The following CDC42EP2 variants were observed in gnomAD, a reference collection of about 807,000 sequenced individuals.
CDC42EP2 encodes the protein CDC42 effector protein 2, also known as CDC42 effector protein (Rho GTPase binding) 2.
CDC42EP2 carries 5 observed loss-of-function variants against 7.3 expected under a neutral mutation model. The observed-to-expected ratio is 0.68, with a 90% confidence interval of 0.36 to 1.44. CDC42EP2 has a LOEUF of 1.44. CDC42EP2 is among the 40% of genes most tolerant of loss of function. The pLI is 0.04. For missense variants in CDC42EP2, 251 were observed against 282.6 expected, an observed-to-expected ratio of 0.89 and a Z score of 0.80; for synonymous variants, 113 against 123.6, an observed-to-expected ratio of 0.91 and a Z score of 0.57.
At chr11:65,318,645 G>A (rs907378898) in intron 1 of CDC42EP2, among the ~76,000 whole-genome samples, 16 of 151,780 alleles carry the variant, frequency 1.1e-4, no homozygotes, top group African/African-American at 3.1e-4. Flanking sequence ...GGATGGTCTC[G>A]ATCTCCTGAC....
chr11:65,317,661 C>G (rs559989123), intron 1 of CDC42EP2, among the ~76,000 whole-genome samples: 3 of 152,322 alleles, frequency 2.0e-5, no homozygotes, highest in African/African-American at 7.2e-5. Flanking sequence ...CACCCTCAAG[C>G]AGAGGGAGTG....
In CDC42EP2 at chr11:65,321,644, G is replaced by T; in HGVS notation, c.*113G>T. On this transcript the variant is annotated 3_prime_UTR_variant, in exon 2 of 2. Coordinates refer to ENST00000279249, the MANE Select transcript of CDC42EP2 (RefSeq NM_006779.4). The surrounding 1 kb of genome is among the most constrained non-coding windows in gnomAD (Gnocchi z 4.4). ...CCAAGATCCCACCTGTATGGTCGCT[G>T]GCCAGTGATTCTCCTTCTGAGCCGT... The T allele has an allele frequency of 1.0e-6, 1 of 978,014 alleles. No individual in the cohort carries two copies. The highest frequency in any genetic ancestry group is 1.6e-5 in the South Asian group (1 of 62,502). 60.6% of individuals were successfully genotyped at this position (978,014 alleles called of 1,614,324 possible).
intron 1 of CDC42EP2, among the ~76,000 whole-genome samples, chr11:65,317,880 C>G (rs930446795): frequency 3.9e-5 from 6 of 152,102 alleles, no homozygotes; most frequent in Non-Finnish European, 8.8e-5. Context: ...GAGAAAACCA[C>G]TGTTCCATCT....
intron 1 of CDC42EP2, among the ~76,000 whole-genome samples, chr11:65,316,260 T>C (rs750408370): frequency 7.2e-5 from 11 of 152,138 alleles, no homozygotes; most frequent in African/African-American, 2.4e-5. Context: ...CATTTTCTCA[T>C]TGGGAGGTCC....
rs934659793 is a variant in CDC42EP2, at chr11:65,315,199, T to G, written c.-356+245T>G. 2.7e-4 allele frequency among the ~76,000 whole-genome samples: 41 copies of G among 152,276 alleles called. No homozygotes were observed. Among genetic ancestry groups the G allele is most frequent in the African/African-American group, 9.4e-4 (39 of 41,566 alleles). The stretch of plus-strand genomic sequence containing the variant: ...GAATTCCCCGTTCTGCCCTCCATTT[T>G]GTGTCCGGGCCCCCGCCCCCCTCCC... On this transcript the variant is annotated intron_variant, in intron 1 of 1. Transcript: ENST00000279249. This position sits in a 1 kb window ranked among gnomAD's most constrained non-coding sequence, Gnocchi z 4.1.
In CDC42EP2 at chr11:65,318,278, G is replaced by A. The variant is rs1181325711; in HGVS notation, c.-355-2266G>A. On this transcript the variant is annotated intron_variant, in intron 1 of 1. Coordinates refer to ENST00000279249, the MANE Select transcript of CDC42EP2 (RefSeq NM_006779.4). ...ACCTGGCAAATTTTTTTTTTGAGAC[G>A]GAGACTCTCTCTGTTGCCCAGGCTG... 4.9e-5 allele frequency among the ~76,000 whole-genome samples: 7 copies of A among 143,158 alleles called. No individual in the cohort carries two copies. In the South Asian group the frequency reaches 1.6e-3, roughly 32 times the overall value. 93.9% of individuals were successfully genotyped at this position (143,158 alleles called of 152,430 possible).
chr11:65,319,185 G>C (rs544780042), intron 1 of CDC42EP2, among the ~76,000 whole-genome samples: 1 of 148,062 alleles, frequency 6.8e-6, no homozygotes, highest in South Asian at 2.1e-4. Flanking sequence ...CTGGAGTGCC[G>C]TGGGGCGATC....
rs1949943920 is a variant in CDC42EP2, at chr11:65,315,603, A to G, written c.-356+649A>G. Among the ~76,000 whole-genome samples, 2 of 152,198 alleles carry G rather than the reference A, an allele frequency of 1.3e-5. No individual in the cohort carries two copies. Among genetic ancestry groups the G allele is most frequent in the Admixed American group, 1.3e-4 (2 of 15,286 alleles). On this transcript the variant is annotated intron_variant, in intron 1 of 1. Coordinates refer to ENST00000279249, the MANE Select transcript of CDC42EP2 (RefSeq NM_006779.4). This position sits in a 1 kb window ranked among gnomAD's most constrained non-coding sequence, Gnocchi z 4.1. ...GGACCAGAAACCCCGAAGCAAAAAG[A>G]TCTCGCAGGTAATCCCCATCTGGTA...
chr11:65,318,705 G>A (rs1288440562), intron 1 of CDC42EP2, among the ~76,000 whole-genome samples: 9 of 151,536 alleles, frequency 5.9e-5, no homozygotes, highest in Non-Finnish European at 1.3e-4. Context: ...TTACAGGCGT[G>A]AACCACCGCG....
Position 65,321,799 on chromosome 11 carries a change from A to G in CDC42EP2, c.*268A>G. 1 of 407,612 alleles carries G rather than the reference A, an allele frequency of 2.5e-6. No individual in the cohort carries two copies. Among genetic ancestry groups the G allele is most frequent in the Non-Finnish European group, 4.6e-6 (1 of 215,632 alleles). 25.2% of individuals were successfully genotyped at this position (407,612 alleles called of 1,614,324 possible). A position where few individuals can be genotyped will look rare whatever the true frequency, so the allele number is the denominator to read the frequency against. On this transcript the variant is annotated 3_prime_UTR_variant, in exon 2 of 2. Transcript: ENST00000279249. The surrounding 1 kb of genome is among the most constrained non-coding windows in gnomAD (Gnocchi z 4.4). ...CTTGGGGCACCTGGACCCCATCACA[A>G]TACTCCTTCTTCCTTCAGGTCCCTG...
Position 65,321,522 on chromosome 11 carries a change from C to T in CDC42EP2, c.624C>T (p.Ile208=). Residue 208 remains isoleucine (I), a synonymous_variant, in exon 2 of 2, where the codon ATC becomes ATT. Coordinates refer to ENST00000279249, the MANE Select transcript of CDC42EP2 (RefSeq NM_006779.4). The surrounding 1 kb of genome is among the most constrained non-coding windows in gnomAD (Gnocchi z 4.4). The part of the protein sequence containing the change: ...IMDQDLDSMQ[I]PT ...ATCAGGACCTGGACAGCATGCAGATCCCCACATAGGACACGAGGCTGCCTA... is the reference window on the plus strand; with the variant it reads ...ATCAGGACCTGGACAGCATGCAGATTCCCACATAGGACACGAGGCTGCCTA... 3 of 1,606,682 alleles carry T rather than the reference C, an allele frequency of 1.9e-6. No individual in the cohort carries two copies. The highest frequency in any genetic ancestry group is 2.2e-5 in the East Asian group (1 of 44,708).
At position 65,322,364 on chromosome 11, in the gene CDC42EP2, C is replaced by CCAGT. The variant is rs1949980490; in HGVS notation, c.*837_*840dup. 1 of 166,952 alleles carries CCAGT rather than the reference C, an allele frequency of 6.0e-6. No homozygotes were observed. The highest frequency in any genetic ancestry group is 1.5e-5 in the Non-Finnish European group (1 of 68,212). The allele number at this position is 166,952 out of a possible 1,614,324, so 10.3% of individuals were successfully genotyped here. A position where few individuals can be genotyped will look rare whatever the true frequency, so the allele number is the denominator to read the frequency against. ...TGCCAAGCCTGGGGCCAATCCCTGC[C>CCAGT]CAGTCAGCTGGGGTCTGGTGGGGGA... is the stretch of plus-strand genomic sequence containing the variant. On this transcript the variant is annotated 3_prime_UTR_variant, in exon 2 of 2. Coordinates refer to ENST00000279249, the MANE Select transcript of CDC42EP2 (RefSeq NM_006779.4).
Position 65,320,963 on chromosome 11 carries a change from G to A in CDC42EP2, c.65G>A (p.Arg22Gln), listed in dbSNP as rs372684048. The A allele has an allele frequency of 5.8e-5, 93 of 1,612,978 alleles. No homozygotes were observed. Among genetic ancestry groups the A allele is most frequent in the African/African-American group, 2.5e-4 (19 of 74,926 alleles). The change falls in exon 2 of 2, where the codon CGG becomes CAG. Residue 22 changes from arginine (R) to glutamine (Q), a missense_variant. Arg to Gln is a conservative substitution (Grantham distance 43, BLOSUM62 1). Transcript: ENST00000279249. Reference protein sequence around the residue: ...GSRKGKKEKLRDLLSSDMISP... With the variant: ...GSRKGKKEKLQDLLSSDMISP... ...CGCAAGGGCAAGAAGGAGAAGCTTC[G>A]GGACCTGCTGTCCTCGGACATGATC...
At chr11:65,316,406 A>G (rs976195955) in intron 1 of CDC42EP2, among the ~76,000 whole-genome samples, 3 of 152,082 alleles carry the variant, frequency 2.0e-5, no homozygotes, top group African/African-American at 7.2e-5. Flanking sequence ...TGGACACATG[A>G]AAGTTGGGCA....
intron 1 of CDC42EP2, among the ~76,000 whole-genome samples, chr11:65,319,339 A>G (rs189348832): frequency 8.1e-4 from 123 of 151,978 alleles, no homozygotes; most frequent in African/African-American, 2.9e-3. Context: ...CATGTTAGCT[A>G]GGATGGTCTT....
chr11:65,315,053 A>T lies in CDC42EP2; in HGVS notation c.-356+99A>T, dbSNP rs1261363197. The stretch of plus-strand genomic sequence containing the variant: ...AGCTCGCGCCCTGGCTCTGCCTCTC[A>T]CCTCACTCAGTTCCTTTCGAGGGCT... On this transcript the variant is annotated intron_variant, in intron 1 of 1. Coordinates refer to ENST00000279249, the MANE Select transcript of CDC42EP2 (RefSeq NM_006779.4). The surrounding 1 kb of genome is among the most constrained non-coding windows in gnomAD (Gnocchi z 4.1). 6.7e-6 allele frequency: 1 copy of T among 149,868 alleles called. No homozygotes were observed. The highest frequency in any genetic ancestry group is 1.5e-5 in the Non-Finnish European group (1 of 67,570). 9.3% of individuals were successfully genotyped at this position (149,868 alleles called of 1,614,324 possible). A position where few individuals can be genotyped will look rare whatever the true frequency, so the allele number is the denominator to read the frequency against.
intron 1 of CDC42EP2, among the ~76,000 whole-genome samples, chr11:65,317,645 G>T (rs754578479): frequency 6.6e-6 from 1 of 151,890 alleles, no homozygotes; most frequent in Admixed American, 6.6e-5. Context: ...TCCCATGTGC[G>T]TCCCCCACCC....
chr11:65,321,640 C>T lies in CDC42EP2; in HGVS notation c.*109C>T, dbSNP rs572286727. 2.8e-5 allele frequency: 28 copies of T among 1,013,984 alleles called. No individual in the cohort carries two copies. In the East Asian group the frequency reaches 2.9e-4, roughly 11 times the overall value. The allele number at this position is 1,013,984 out of a possible 1,614,324, so 62.8% of individuals were successfully genotyped here. A position where few individuals can be genotyped will look rare whatever the true frequency, so the allele number is the denominator to read the frequency against. Reference sequence around the variant, plus strand: ...GGTCCCAAGATCCCACCTGTATGGTCGCTGGCCAGTGATTCTCCTTCTGAG... The same window carrying T: ...GGTCCCAAGATCCCACCTGTATGGTTGCTGGCCAGTGATTCTCCTTCTGAG... On this transcript the variant is annotated 3_prime_UTR_variant, in exon 2 of 2. Coordinates refer to ENST00000279249, the MANE Select transcript of CDC42EP2 (RefSeq NM_006779.4). This position sits in a 1 kb window ranked among gnomAD's most constrained non-coding sequence, Gnocchi z 4.4.
rs553720491 is a variant in CDC42EP2 at position 65,321,169 on chromosome 11, G to A, written c.271G>A (p.Val91Met). Residue 91 changes from valine (V) to methionine (M), a missense_variant, in exon 2 of 2, where the codon GTG becomes ATG. Val to Met is a conservative substitution (Grantham distance 21, BLOSUM62 1). Transcript: ENST00000279249. The surrounding 1 kb of genome is among the most constrained non-coding windows in gnomAD (Gnocchi z 4.4). ...LPFQFTRTAT[V>M]CGRELPDGPS... is the part of the protein sequence containing the mutation. ...CTTCCAGTTCACCCGCACCGCCACC[G>A]TGTGTGGGCGGGAGCTCCCGGACGG... 8.1e-6 allele frequency: 13 copies of A among 1,614,054 alleles called. No homozygotes were observed. The highest frequency in any genetic ancestry group is 4.4e-5 in the South Asian group (4 of 91,070).
Sources: gnomAD v4.1 joint callset for allele counts (sites outside exome capture counted in the v4.1 genomes callset) on GRCh38, gnomAD v4.1.1 for gene constraint, Gnocchi (gnomAD v3.1) non-coding constraint, MANE v1.5 for transcripts, NCBI Gene and HGNC (gene_info 2026-07-23, HGNC 2026-07-21) for gene names.